The following MID1 variants were observed in gnomAD, a reference collection of about 807,000 sequenced individuals.
MID1 encodes E3 ubiquitin-protein ligase Midline-1.
A neutral mutation model predicts 40.4 loss-of-function variants in MID1; 7 were observed. The observed-to-expected ratio is 0.17, with a 90% CI of 0.10 to 0.33. MID1 has a LOEUF of 0.33. Ranked by LOEUF, MID1 falls within the 10% of genes least tolerant of loss-of-function variation. The pLI, the probability that MID1 is intolerant of heterozygous loss-of-function variation, is 1.00. For missense variants in MID1, 367 were observed against 558.5 expected (o/e 0.66, Z 3.46); for synonymous variants, 229 against 221.2 (o/e 1.04, Z -0.31).
intron 5 of MID1, among the ~76,000 whole-genome samples, chrX:10,478,878 A>C (rs1380177160): frequency 8.9e-6 from 1 of 112,386 alleles, no homozygotes; most frequent in Non-Finnish European, 1.9e-5. Flanking sequence ...CCTGAATTGA[A>C]GAATAAAGAT....
chrX:10,643,443 T>C (rs1367353266), intron 1 of MID1, among the ~76,000 whole-genome samples: 1 of 111,441 alleles, frequency 9.0e-6, no homozygotes, highest in African/African-American at 3.3e-5. Context: ...ATCAGAGAAA[T>C]GCAAATCAAA....
chrX:10,486,328 G>A (rs1004484779), intron 4 of MID1, among the ~76,000 whole-genome samples: 3 of 112,055 alleles, frequency 2.7e-5, no homozygotes, highest in African/African-American at 9.7e-5. Flanking sequence ...ATTCTGCCTG[G>A]TTCTTGCTCC....
intron 1 of MID1, among the ~76,000 whole-genome samples, chrX:10,777,213 T>G (rs761317374): frequency 6.8e-4 from 76 of 111,725 alleles, no homozygotes; most frequent in African/African-American, 2.4e-3. Flanking sequence ...ATTTATTTAT[T>G]TTTTTTGAGA....
chrX:10,667,181 C>A (rs1053393699), intron 1 of MID1, among the ~76,000 whole-genome samples: 4 of 111,559 alleles, frequency 3.6e-5, no homozygotes, highest in Non-Finnish European at 5.6e-5. Flanking sequence ...ACAAAATGTC[C>A]TCCCTGGCAC....
intron 2 of MID1, among the ~76,000 whole-genome samples, chrX:10,533,102 A>T (rs576067628): frequency 4.5e-5 from 5 of 109,932 alleles, no homozygotes; most frequent in Admixed American, 3.9e-4. Flanking sequence ...AATTTTTTTT[A>T]AAATGAAAAG....
intron 1 of MID1, among the ~76,000 whole-genome samples, chrX:10,626,163 T>C (rs914418314): frequency 9.0e-6 from 1 of 110,966 alleles, no homozygotes; most frequent in African/African-American, 3.3e-5. Flanking sequence ...CTGATATAGA[T>C]ATTATGGCAG....
At chrX:10,501,573 T>C in intron 3 of MID1, 1 of 1,133,420 alleles carries the variant, frequency 8.8e-7, no homozygotes, top group Non-Finnish European at 1.2e-6. Context: ...ATGAAAGAGA[T>C]ATTACAAAAT....
In MID1 at chrX:10,626,447, C is replaced by G. The variant is rs901821554; in HGVS notation, c.-186-6028G>C. Among the ~76,000 whole-genome samples the G allele has an allele frequency of 5.4e-5, 6 of 110,536 alleles. No individual in the cohort carries two copies. The Admixed American group carries it at 5.8e-4, about 11-fold the overall frequency. Reference sequence around the variant, plus strand: ...CTCAAACTCCTGGGCACGAGCCATCCTCCTGCCTCAGCCTCCCAAGTAGCT... The same window carrying G: ...CTCAAACTCCTGGGCACGAGCCATCGTCCTGCCTCAGCCTCCCAAGTAGCT... On this transcript the variant is annotated intron_variant, in intron 1 of 10. Transcript: ENST00000380785.
intron 1 of MID1, among the ~76,000 whole-genome samples, chrX:10,733,325 C>T (rs1295116977): frequency 8.9e-6 from 1 of 111,802 alleles, no homozygotes; most frequent in Admixed American, 9.6e-5. Flanking sequence ...AGATCATAAA[C>T]CTAAACTTAA....
intron 1 of MID1, among the ~76,000 whole-genome samples, chrX:10,792,575 T>C (rs995183691): frequency 8.9e-6 from 1 of 112,072 alleles, no homozygotes; most frequent in African/African-American, 3.2e-5. Context: ...AGTTCAAAAA[T>C]AGGAGTTAAT....
chrX:10,457,469 A>ATAAT (rs1242592394), intron 8 of MID1, among the ~76,000 whole-genome samples: 1 of 112,533 alleles, frequency 8.9e-6, no homozygotes, highest in Non-Finnish European at 1.9e-5. Flanking sequence ...ACTTTACTAA[A>ATAAT]TAATTCAATT....
At chrX:10,529,477 G>A (rs1346279940) in intron 2 of MID1, among the ~76,000 whole-genome samples, 1 of 112,438 alleles carries the variant, frequency 8.9e-6, no homozygotes, top group African/African-American at 3.2e-5. Context: ...GTTGTGCAAT[G>A]TCCTAAATCT....
intron 1 of MID1, among the ~76,000 whole-genome samples, chrX:10,597,512 G>A (rs746070345): frequency 2.7e-5 from 3 of 111,458 alleles, no homozygotes; most frequent in Non-Finnish European, 3.8e-5. Flanking sequence ...CCCCAAGAGC[G>A]AGAAAACTAG....
intron 1 of MID1, among the ~76,000 whole-genome samples, chrX:10,614,417 CA>C (rs1935805958): frequency 8.9e-6 from 1 of 112,020 alleles, no homozygotes; most frequent in African/African-American, 3.2e-5. Context: ...TTCTGTCTGC[CA>C]AAGGCATGGC....
At chrX:10,608,169 T>C (rs1247614103) in intron 1 of MID1, among the ~76,000 whole-genome samples, 1 of 112,306 alleles carries the variant, frequency 8.9e-6, no homozygotes, top group Non-Finnish European at 1.9e-5. Context: ...TGTAAAATGA[T>C]TCAGCCACTC....
chrX:10,636,999 G>T (rs1054971033), intron 1 of MID1, among the ~76,000 whole-genome samples: 1 of 105,450 alleles, frequency 9.5e-6, no homozygotes, highest in African/African-American at 3.5e-5. Context: ...ATCTGTTTAG[G>T]ACAGAGGCCT....
intron 1 of MID1, among the ~76,000 whole-genome samples, chrX:10,664,031 T>G (rs1400664381): frequency 9.0e-6 from 1 of 111,378 alleles, no homozygotes; most frequent in Admixed American, 9.5e-5. Context: ...TGGTTTGTGA[T>G]AGTCCTATAT....
At chrX:10,591,250 GA>G (rs954814930) in intron 1 of MID1, among the ~76,000 whole-genome samples, 3 of 111,975 alleles carry the variant, frequency 2.7e-5, no homozygotes, top group Non-Finnish European at 5.6e-5. Context: ...TTTCATTTTT[GA>G]AAAAACAAAT....
chrX:10,756,478 G>C (rs1447583076), intron 1 of MID1, among the ~76,000 whole-genome samples: 1 of 111,770 alleles, frequency 8.9e-6, no homozygotes, highest in Non-Finnish European at 1.9e-5. Flanking sequence ...AATCGTGTAG[G>C]GCATGTGGAC....
Sources: allele counts gnomAD v4.1 joint callset (sites outside exome capture counted in the v4.1 genomes callset), GRCh38; gene constraint gnomAD v4.1.1; transcripts MANE v1.5; gene names NCBI Gene and HGNC (gene_info 2026-07-23, HGNC 2026-07-21).